CACNG7: variants seen among roughly 807,000 people sequenced by gnomAD.
CACNG7 encodes calcium voltage-gated channel auxiliary subunit gamma 7.
Under a neutral mutation model 26.3 loss-of-function variants are expected in CACNG7, and 9 were observed. The ratio of observed to expected loss-of-function variants is 0.34; its 90% CI spans 0.21 to 0.60. CACNG7 has a LOEUF of 0.60. CACNG7 is among the 20% of genes least tolerant of loss of function. The pLI is 0.81. For synonymous variants in CACNG7, 170 were observed against 157.0 expected (o/e 1.08, Z -0.62); for missense variants, 297 against 380.4 (o/e 0.78, Z 1.82).
chr19:53,941,950 C>CT, intron 5 of CACNG7, 86 bp from the exon 6 acceptor site: 6 of 1,443,886 alleles, frequency 4.2e-6, no homozygotes, highest in Non-Finnish European at 5.5e-6. Context: ...GGTGGGGACT[C>CT]TGAGTCCTGG....
intron 1 of CACNG7, among the ~76,000 whole-genome samples, chr19:53,910,507 A>G (rs1451127431): frequency 6.6e-6 from 1 of 152,014 alleles, no homozygotes; most frequent in Non-Finnish European, 1.5e-5. Flanking sequence ...GTGGAGTTTT[A>G]TGTCTTGATT....
chr19:53,922,883 G>GCTGGTCATTGGTGGAGTTGCCCCAGGC (rs1373058192), intron 4 of CACNG7, among the ~76,000 whole-genome samples: 1 of 74,376 alleles, frequency 1.3e-5, no homozygotes, highest in Non-Finnish European at 2.4e-5. Context: ...GTTGACTCAG[G>GCTGGTCATTGGTGGAGTTGCCCCAGGC]CTGGTCATTG....
chr19:53,929,370 T>C (rs1457843641), intron 4 of CACNG7, among the ~76,000 whole-genome samples: 1 of 152,124 alleles, frequency 6.6e-6, no homozygotes, highest in Non-Finnish European at 1.5e-5. Context: ...CCTTCAATCT[T>C]CCTTTGCTAT....
At chr19:53,921,217 T>TC (rs1156886948) in intron 4 of CACNG7, among the ~76,000 whole-genome samples, 11 of 41,302 alleles carry the variant, frequency 2.7e-4, no homozygotes, top group African/African-American at 1.6e-3. Context: ...CCAGGCCTGG[T>TC]ATTGGTGGAG....
intron 2 of CACNG7, 92 bp from the exon 3 acceptor site, chr19:53,914,408 G>A: frequency 9.8e-7 from 1 of 1,016,180 alleles, no homozygotes; most frequent in Non-Finnish European, 1.5e-6. Context: ...CCCCATCCTG[G>A]GGTCTCCCCT....
At chr19:53,927,187 C>T (rs551692579) in intron 4 of CACNG7, among the ~76,000 whole-genome samples, 292 of 152,030 alleles carry the variant, frequency 1.9e-3, no homozygotes, top group African/African-American at 6.7e-3. Context: ...CCCAAAGTTC[C>T]GGGATTACAG....
intron 4 of CACNG7, among the ~76,000 whole-genome samples, chr19:53,923,901 C>A (rs1180348330): frequency 7.0e-6 from 1 of 142,574 alleles, no homozygotes; most frequent in African/African-American, 2.8e-5. Flanking sequence ...TGGAGTTGCC[C>A]CAGGTCTGGT....
At chr19:53,928,838 C>T (rs911163760) in intron 4 of CACNG7, among the ~76,000 whole-genome samples, 3 of 151,992 alleles carry the variant, frequency 2.0e-5, no homozygotes, top group Admixed American at 6.6e-5. Context: ...AGGCCGGGCA[C>T]GGTAGCTCAC....
chr19:53,912,725 A>C lies in CACNG7; in HGVS notation c.-29-78A>C. 8.6e-7 allele frequency: 1 copy of C among 1,159,598 alleles called. No individual in the cohort carries two copies. Among genetic ancestry groups the C allele is most frequent in the South Asian group, 1.3e-5 (1 of 79,534 alleles). The allele number at this position is 1,159,598 out of a possible 1,614,324, so 71.8% of individuals were successfully genotyped here. A position where few individuals can be genotyped will look rare whatever the true frequency, so the allele number is the denominator to read the frequency against. On this transcript the variant is annotated intron_variant, in intron 1 of 5. Coordinates refer to ENST00000391767, the MANE Select transcript of CACNG7 (RefSeq NM_031896.5). The surrounding 1 kb of genome is among the most constrained non-coding windows in gnomAD (Gnocchi z 4.6). ...GAGTCAGTGTCTCTGGCTAGGGCCC[A>C]GCATCCCGGGTTGCTGCATGGGGTC...
intron 3 of CACNG7, 48 bp downstream of exon 3, chr19:53,914,634 C>G (rs551136659): frequency 6.5e-7 from 1 of 1,544,964 alleles, no homozygotes; most frequent in Non-Finnish European, 8.9e-7. Flanking sequence ...AGATCACAGC[C>G]GAGTCGTGGA....
At chr19:53,918,683 G>T (rs2068914135) in intron 4 of CACNG7, among the ~76,000 whole-genome samples, 1 of 152,190 alleles carries the variant, frequency 6.6e-6, no homozygotes, top group South Asian at 2.1e-4. Flanking sequence ...AGTAGTACTA[G>T]CGGTGGTGGT....
chr19:53,925,841 T>C (rs1199565820), intron 4 of CACNG7, among the ~76,000 whole-genome samples: 1 of 152,138 alleles, frequency 6.6e-6, no homozygotes, highest in Non-Finnish European at 1.5e-5. Flanking sequence ...GAAAAGGCAA[T>C]TGGATGGCCA....
chr19:53,923,878 GC>G (rs1408757969), intron 4 of CACNG7, among the ~76,000 whole-genome samples: 1 of 135,388 alleles, frequency 7.4e-6, no homozygotes. Context: ...GTTGCCCCAG[GC>G]CTGGTCATTG....
Position 53,942,614 on chromosome 19 carries a change from G to A in CACNG7, c.*321G>A. ...TCCTCCCTCGTTCTCCACCTGCTCT[G>A]AGCTGGGAGCAGCCAGAGGCGGTGC... On this transcript the variant is annotated 3_prime_UTR_variant, in exon 6 of 6. Transcript: ENST00000391767. This position sits in a 1 kb window ranked among gnomAD's most constrained non-coding sequence, Gnocchi z 5.9. 12 of 1,211,828 alleles carry A rather than the reference G, an allele frequency of 9.9e-6. No homozygotes were observed. Among genetic ancestry groups the A allele is most frequent in the Non-Finnish European group, 1.2e-5 (12 of 966,370 alleles). The allele number at this position is 1,211,828 out of a possible 1,614,324, so 75.1% of individuals were successfully genotyped here. A position where few individuals can be genotyped will look rare whatever the true frequency, so the allele number is the denominator to read the frequency against.
Position 53,939,116 on chromosome 19 carries a change from G to T in CACNG7, c.425-2354G>T, listed in dbSNP as rs1226069673. Among the ~76,000 whole-genome samples the T allele has an allele frequency of 6.6e-6, 1 of 152,114 alleles. No homozygotes were observed. Among genetic ancestry groups the T allele is most frequent in the Non-Finnish European group, 1.5e-5 (1 of 68,032 alleles). ...TACTAAAAATACAAAAATTAGCCAGGCATGGTGGCGGGTGCCTGTTAATTC... is the reference window on the plus strand; with the variant it reads ...TACTAAAAATACAAAAATTAGCCAGTCATGGTGGCGGGTGCCTGTTAATTC... On this transcript the variant is annotated intron_variant, in intron 4 of 5. Transcript: ENST00000391767. The surrounding 1 kb of genome is among the most constrained non-coding windows in gnomAD (Gnocchi z 4.2).
chr19:53,913,813 A>G (rs971502354), intron 2 of CACNG7, among the ~76,000 whole-genome samples: 1 of 150,992 alleles, frequency 6.6e-6, no homozygotes, highest in African/African-American at 2.4e-5. Context: ...AAAAAAGAAA[A>G]TCTATACCTC....
intron 4 of CACNG7, among the ~76,000 whole-genome samples, chr19:53,929,730 A>G (rs1188191557): frequency 6.6e-6 from 1 of 152,104 alleles, no homozygotes; most frequent in Non-Finnish European, 1.5e-5. Context: ...GGCCTGAACC[A>G]CCACGCCCAG....
intron 4 of CACNG7, among the ~76,000 whole-genome samples, chr19:53,923,705 A>G (rs1331846544): frequency 8.4e-6 from 1 of 119,306 alleles, no homozygotes; most frequent in Admixed American, 8.0e-5. Context: ...TCATTGGTGG[A>G]GTTGTCCCAG....
chr19:53,922,175 T>A (rs868041895), intron 4 of CACNG7, among the ~76,000 whole-genome samples: 1 of 94,572 alleles, frequency 1.1e-5, no homozygotes, highest in Non-Finnish European at 2.0e-5. Context: ...GGTGGAGTTG[T>A]CCCAGGCTGG....
Sources: gnomAD v4.1 joint callset for allele counts (sites outside exome capture counted in the v4.1 genomes callset) on GRCh38, gnomAD v4.1.1 for gene constraint, Gnocchi (gnomAD v3.1) non-coding constraint, MANE v1.5 for transcripts, NCBI Gene and HGNC (gene_info 2026-07-23, HGNC 2026-07-21) for gene names.